The following TRAP1 variants were observed in gnomAD, a reference collection of about 807,000 sequenced individuals.
TRAP1 encodes the protein heat shock protein 75 kDa, mitochondrial.
A neutral mutation model predicts 89.1 loss-of-function variants in TRAP1; 102 were observed. That is an observed-to-expected ratio of 1.15 (90% CI 0.98 to 1.35). The LOEUF is 1.35. Ranked by LOEUF, TRAP1 falls within the 40% of genes most tolerant of loss-of-function variation. TRAP1 has a pLI of 0.00. For missense variants in TRAP1, 1,256 were observed against 945.3 expected (o/e 1.33, Z -4.31); for synonymous variants, 508 against 388.0 (o/e 1.31, Z -3.64).
intron 15 of TRAP1, chr16:3,662,602 G>A (rs531586888): frequency 7.2e-5 from 46 of 638,548 alleles, no homozygotes; most frequent in African/African-American, 1.2e-4. Context: ...GAACCCCCAC[G>A]TCCTCAGCCA....
Position 3,694,983 on chromosome 16 carries a change from G to A in TRAP1, c.89-3998C>T, listed in dbSNP as rs574660409. On this transcript the variant is annotated intron_variant, in intron 1 of 17. Coordinates refer to ENST00000246957, the MANE Select transcript of TRAP1 (RefSeq NM_016292.3). Reference sequence around the variant, plus strand: ...TCTTCCAGCCTCTGCAGCCTCTGGCGTTGCTTGGCTTGTGGGTGGTCATCT... The same window carrying A: ...TCTTCCAGCCTCTGCAGCCTCTGGCATTGCTTGGCTTGTGGGTGGTCATCT... Among the ~76,000 whole-genome samples, 30 of 152,272 alleles carry A rather than the reference G, an allele frequency of 2.0e-4. No individual in the cohort carries two copies. The South Asian group carries it at 3.7e-3, about 19-fold the overall frequency.
chr16:3,662,403 C>T, intron 15 of TRAP1: 1 of 571,708 alleles, frequency 1.7e-6, no homozygotes, highest in South Asian at 2.1e-5. Context: ...GTCCTCTGCT[C>T]CATGCCAGCC....
rs767482541 is a variant in TRAP1, at chr16:3,677,801, C to T, written c.544-143G>A. The T allele has an allele frequency of 1.5e-4, 144 of 930,410 alleles. 1 individual carries two copies. The highest frequency in any genetic ancestry group is 2.1e-4 in the Non-Finnish European group (133 of 638,256). The allele number at this position is 930,410 out of a possible 1,614,324, so 57.6% of individuals were successfully genotyped here. A position where few individuals can be genotyped will look rare whatever the true frequency, so the allele number is the denominator to read the frequency against. ...GAGTACTTTTCCACCCCATTCTACA[C>T]GTGAAGAGCTAAGTCACAGAGAGGT... On this transcript the variant is annotated intron_variant, in intron 5 of 17. Coordinates refer to ENST00000246957, the MANE Select transcript of TRAP1 (RefSeq NM_016292.3).
rs896430308 is a variant in TRAP1 at position 3,658,691 on chromosome 16, A to AAAC, written c.2013+101_2013+102insGTT. 2.7e-5 allele frequency: 32 copies of AAAC among 1,190,662 alleles called. No individual in the cohort carries two copies. The Middle Eastern group carries it at 1.0e-3, about 38-fold the overall frequency. 73.8% of individuals were successfully genotyped at this position (1,190,662 alleles called of 1,614,324 possible). A position where few individuals can be genotyped will look rare whatever the true frequency, so the allele number is the denominator to read the frequency against. ...CATCTCAAAAAACAAACAAACAAACAAAAAGACAGGATTTTAGAGGAAACC... is the reference window on the plus strand; with the variant it reads ...CATCTCAAAAAACAAACAAACAAACAAACAAAAGACAGGATTTTAGAGGAAACC... On this transcript the variant is annotated intron_variant, in intron 17 of 17. Transcript: ENST00000246957.
intron 1 of TRAP1, among the ~76,000 whole-genome samples, chr16:3,705,250 T>C (rs933086888): frequency 3.9e-5 from 6 of 151,942 alleles, no homozygotes; most frequent in African/African-American, 1.2e-4. Context: ...ATTTTTTTTT[T>C]AGTAGACACA....
intron 9 of TRAP1, 26 bp downstream of exon 9, chr16:3,674,313 G>A: frequency 6.2e-7 from 1 of 1,612,404 alleles, no homozygotes. Context: ...CACCCTGAGG[G>A]CCGTGGGACT....
At chr16:3,662,811 G>A in intron 15 of TRAP1, 71 bp downstream of exon 15, 1 of 1,491,446 alleles carries the variant, frequency 6.7e-7, no homozygotes, top group South Asian at 1.1e-5. Flanking sequence ...CCAGGTACTG[G>A]GAGCCACCAG....
chr16:3,703,201 A>C (rs1021986157), intron 1 of TRAP1, among the ~76,000 whole-genome samples: 4 of 151,692 alleles, frequency 2.6e-5, no homozygotes, highest in African/African-American at 4.9e-5. Flanking sequence ...CAAGAAAGCA[A>C]AATCTTTCCT....
rs1277780294 is a variant in TRAP1, at chr16:3,665,932, A to C, written c.1383+39T>G. On this transcript the variant is annotated intron_variant, in intron 12 of 17. Coordinates refer to ENST00000246957, the MANE Select transcript of TRAP1 (RefSeq NM_016292.3). ...AGCTTCCTCAGCAGCCCCAGGGACA[A>C]GGTGGCCCAGAAAAAGGCCTGGAAC... is the stretch of plus-strand genomic sequence containing the variant. 8 of 1,595,392 alleles carry C rather than the reference A, an allele frequency of 5.0e-6. No individual in the cohort carries two copies. In the South Asian group the frequency reaches 9.1e-5, roughly 18 times the overall value.
intron 1 of TRAP1, among the ~76,000 whole-genome samples, chr16:3,709,244 A>AAAAG (rs2051494070): frequency 6.7e-6 from 1 of 149,284 alleles, no homozygotes; most frequent in South Asian, 2.1e-4. Context: ...AAAAAAAAAA[A>AAAAG]AAAGAAAAAG....
At chr16:3,707,659 G>A (rs1225453640) in intron 1 of TRAP1, among the ~76,000 whole-genome samples, 1 of 149,680 alleles carries the variant, frequency 6.7e-6, no homozygotes, top group Non-Finnish European at 1.5e-5. Context: ...TTCGAGACCA[G>A]CCTGGCCAAC....
chr16:3,698,897 TA>T (rs2051327389), intron 1 of TRAP1, among the ~76,000 whole-genome samples: 1 of 151,348 alleles, frequency 6.6e-6, no homozygotes, highest in African/African-American at 2.4e-5. Flanking sequence ...AAAAAAAAAT[TA>T]AAAATTAAAA....
chr16:3,704,802 C>A (rs1267755021), intron 1 of TRAP1, among the ~76,000 whole-genome samples: 1 of 151,170 alleles, frequency 6.6e-6, no homozygotes, highest in Admixed American at 6.6e-5. Context: ...ACACTTGAGG[C>A]CAGGAGTTCT....
chr16:3,662,255 C>T, intron 15 of TRAP1, 123 bp from the exon 16 acceptor site: 1 of 1,206,722 alleles, frequency 8.3e-7, no homozygotes, highest in South Asian at 1.5e-5. Context: ...AAGGACTCCC[C>T]TGGACCAGCG....
chr16:3,677,836 G>A (rs2051020470), intron 5 of TRAP1, 178 bp from the exon 6 acceptor site: 4 of 680,280 alleles, frequency 5.9e-6, no homozygotes, highest in East Asian at 2.9e-5. Context: ...TGACACATTA[G>A]CCCTAGGACA....
At chr16:3,667,416 G>T (rs1402895711) in intron 11 of TRAP1, among the ~76,000 whole-genome samples, 1 of 151,986 alleles carries the variant, frequency 6.6e-6, no homozygotes, top group Non-Finnish European at 1.5e-5. Flanking sequence ...CAGAGGTCAG[G>T]AGTTTGAGAC....
chr16:3,663,025 T>C, intron 14 of TRAP1, 58 bp from the exon 15 acceptor site: 1 of 1,391,422 alleles, frequency 7.2e-7, no homozygotes. Context: ...CCGGCTTCCA[T>C]GGGGGCCACG....
chr16:3,669,560 C>A (rs1227957509), intron 11 of TRAP1, among the ~76,000 whole-genome samples: 1 of 152,004 alleles, frequency 6.6e-6, no homozygotes, highest in Non-Finnish European at 1.5e-5. Context: ...ACAGGCCAGG[C>A]GCGGTGGCTC....
At chr16:3,661,690 G>A (rs1596683464) in intron 16 of TRAP1, 1 of 343,786 alleles carries the variant, frequency 2.9e-6, no homozygotes, top group East Asian at 4.4e-5. Context: ...GCTCAAAACA[G>A]GCAAAACTGA....
Sources: allele counts gnomAD v4.1 joint callset (sites outside exome capture counted in the v4.1 genomes callset), GRCh38; gene constraint gnomAD v4.1.1; transcripts MANE v1.5; gene names NCBI Gene and HGNC (gene_info 2026-07-23, HGNC 2026-07-21).